Variants in UNC13B observed in about 807,000 individuals in gnomAD.
UNC13B encodes the protein protein unc-13 homolog B.
UNC13B carries 144 observed loss-of-function variants against 211.0 expected under a neutral mutation model. That is an observed-to-expected ratio of 0.68 (90% confidence interval 0.60 to 0.78). UNC13B has a LOEUF of 0.78. Among genes scored for constraint, UNC13B ranks in the 30% least tolerant of loss-of-function variants. The pLI is 0.00. For missense variants in UNC13B, 1,777 were observed against 2,002.0 expected (o/e 0.89, Z 2.14); for synonymous variants, 709 against 725.8 (o/e 0.98, Z 0.37).
intron 12 of UNC13B, among the ~76,000 whole-genome samples, chr9:35,368,256 G>A (rs1378544633): frequency 6.6e-6 from 1 of 151,988 alleles, no homozygotes; most frequent in Non-Finnish European, 1.5e-5. Flanking sequence ...TACCCTCTTT[G>A]TGTCCATGTG....
intron 8 of UNC13B, among the ~76,000 whole-genome samples, chr9:35,297,547 CTT>C (rs774525517): frequency 4.0e-5 from 4 of 100,868 alleles, no homozygotes; most frequent in Non-Finnish European, 2.1e-5. Context: ...CATACTTTGT[CTT>C]TTTTTTTTTT....
chr9:35,375,536 C>G (rs1160473869), intron 14 of UNC13B, among the ~76,000 whole-genome samples: 2 of 152,186 alleles, frequency 1.3e-5, no homozygotes, highest in Admixed American at 6.5e-5. Flanking sequence ...GTTGGACAAC[C>G]AGAAGCACAC....
chr9:35,247,050 C>T (rs911350611), intron 6 of UNC13B, among the ~76,000 whole-genome samples: 10 of 152,080 alleles, frequency 6.6e-5, no homozygotes, highest in Non-Finnish European at 1.3e-4. Flanking sequence ...TTGTAGTTCT[C>T]CTTGAAGAGG....
intron 1 of UNC13B, among the ~76,000 whole-genome samples, chr9:35,196,348 G>T (rs2131358707): frequency 6.6e-6 from 1 of 152,332 alleles, no homozygotes; most frequent in South Asian, 2.1e-4. Flanking sequence ...AGGCAAGTTA[G>T]CCATTCCCTG....
At chr9:35,312,179 T>G (rs747141367) in intron 10 of UNC13B, among the ~76,000 whole-genome samples, 7 of 152,194 alleles carry the variant, frequency 4.6e-5, no homozygotes, top group Non-Finnish European at 1.0e-4. Flanking sequence ...GTTTCAAATT[T>G]CAAGATCTAA....
chr9:35,375,697 G>A (rs910526687), intron 14 of UNC13B, among the ~76,000 whole-genome samples: 3 of 152,168 alleles, frequency 2.0e-5, no homozygotes, highest in African/African-American at 4.8e-5. Context: ...AAAAGTCATG[G>A]GGACCAGGCA....
intron 1 of UNC13B, among the ~76,000 whole-genome samples, chr9:35,194,822 A>C (rs999836516): frequency 6.6e-6 from 1 of 152,130 alleles, no homozygotes; most frequent in Non-Finnish European, 1.5e-5. Flanking sequence ...TGCCAGAAAA[A>C]TTTAGGACAC....
At chr9:35,280,446 G>A (rs1828419479) in intron 7 of UNC13B, among the ~76,000 whole-genome samples, 2 of 152,080 alleles carry the variant, frequency 1.3e-5, no homozygotes, top group Admixed American at 1.3e-4. Context: ...ATCAGACAGG[G>A]TATAGCTTCT....
chr9:35,168,594 T>C (rs890804080), intron 1 of UNC13B, among the ~76,000 whole-genome samples: 13 of 152,338 alleles, frequency 8.5e-5, no homozygotes, highest in African/African-American at 3.1e-4. Flanking sequence ...TTTCTATGCC[T>C]GTTGAAAAGA....
Position 35,300,220 on chromosome 9 carries a change from C to T in UNC13B, c.816C>T (p.Tyr272=). 1 of 398,756 alleles carries T rather than the reference C, an allele frequency of 2.5e-6. No homozygotes were observed. The highest frequency in any genetic ancestry group is 4.4e-6 in the Non-Finnish European group (1 of 226,004). The allele number at this position is 398,756 out of a possible 1,614,324, so 24.7% of individuals were successfully genotyped here. A position where few individuals can be genotyped will look rare whatever the true frequency, so the allele number is the denominator to read the frequency against. The part of the protein sequence containing the change: ...LDRRRKKKSL[Y]NHFEDSERRQ... ...GAAGAAGAAAAAAGAAATCCTTATA[C>T]AATCATTTTGAAGACAGTGAAAGAA... The change falls in exon 9 of 40, where the codon TAC becomes TAT. Residue 272 remains tyrosine, a synonymous_variant. Coordinates refer to ENST00000635942, the MANE Select transcript of UNC13B (RefSeq NM_001371189.2).
At chr9:35,386,026 T>C in intron 23 of UNC13B, 139 bp from the exon 24 acceptor site, 2 of 1,463,268 alleles carry the variant, frequency 1.4e-6, no homozygotes, top group Admixed American at 4.3e-5. Flanking sequence ...TCAACTATCC[T>C]GGCAATTTCA....
At chr9:35,236,260 T>C (rs1171164683) in intron 3 of UNC13B, among the ~76,000 whole-genome samples, 4 of 152,214 alleles carry the variant, frequency 2.6e-5, no homozygotes, top group Non-Finnish European at 5.9e-5. Context: ...TCTCTGGAAC[T>C]TATTTAACTG....
At chr9:35,352,003 G>A in intron 11 of UNC13B, 1 of 1,232,252 alleles carries the variant, frequency 8.1e-7, no homozygotes, top group Admixed American at 4.2e-5. Context: ...TTCAGACTGA[G>A]ATTGCTGAGC....
In UNC13B at chr9:35,304,490, A is replaced by G. The variant is rs370161129; in HGVS notation, c.5086A>G (p.Ile1696Val). 244 of 398,706 alleles carry G rather than the reference A, an allele frequency of 6.1e-4. 2 individuals carry two copies. The South Asian group carries it at 0.019, about 32-fold the overall frequency. 24.7% of individuals were successfully genotyped at this position (398,706 alleles called of 1,614,324 possible). The change falls in exon 9 of 40, where the codon ATT (isoleucine) becomes GTT (valine). Residue 1696 changes from isoleucine (I) to valine (V), a missense_variant. Coordinates refer to ENST00000635942, the MANE Select transcript of UNC13B (RefSeq NM_001371189.2). ...TAATCATGTCTCAAGCAGAGATCAA[A>G]TTATAGAGAGAGATAAAAACCAGCC... ...ISNHVSSRDQ[I>V]IERDKNQPLA...
rs940304724 is a variant in UNC13B, at chr9:35,331,250, G to A, written c.9414+17261G>A. On this transcript the variant is annotated intron_variant, in intron 11 of 39. Transcript: ENST00000635942. Reference sequence around the variant, plus strand: ...GTTTTTTGTTTTGTTTTGTTTTTTCGTTTTCTTTTGTTTTTTGAGACAAGG... The same window carrying A: ...GTTTTTTGTTTTGTTTTGTTTTTTCATTTTCTTTTGTTTTTTGAGACAAGG... Among the ~76,000 whole-genome samples the A allele has an allele frequency of 2.6e-5, 4 of 151,928 alleles. 1 individual carries two copies. Among genetic ancestry groups the A allele is most frequent in the Non-Finnish European group, 5.9e-5 (4 of 67,984 alleles).
chr9:35,270,423 C>T (rs1587510319), intron 7 of UNC13B, among the ~76,000 whole-genome samples: 1 of 151,886 alleles, frequency 6.6e-6, no homozygotes, highest in East Asian at 1.9e-4. Flanking sequence ...TGTGTATATA[C>T]ACACACATAT....
At chr9:35,244,351 G>A (rs1825968696) in intron 6 of UNC13B, among the ~76,000 whole-genome samples, 2 of 152,162 alleles carry the variant, frequency 1.3e-5, no homozygotes, top group African/African-American at 2.4e-5. Context: ...CCATAGACTA[G>A]TACAGAAAGC....
In UNC13B at chr9:35,384,329, G is replaced by GTA; in HGVS notation, c.10875+15_10875+16insTA. The GTA allele has an allele frequency of 1.9e-6, 3 of 1,613,052 alleles. No individual in the cohort carries two copies. Among genetic ancestry groups the GTA allele is most frequent in the Non-Finnish European group, 2.5e-6 (3 of 1,179,524 alleles). On this transcript the variant is annotated intron_variant, in intron 22 of 39. Transcript: ENST00000635942. ...CTACATACAGGGTGAGTGAAGACAC[G>GTA]GCTGTGGGCAGGATAATAGATATCA...
chr9:35,354,351 C>G (rs1832897337), intron 11 of UNC13B, among the ~76,000 whole-genome samples: 1 of 152,158 alleles, frequency 6.6e-6, no homozygotes, highest in Admixed American at 6.5e-5. Context: ...GGGAATTTCC[C>G]CTACCCCAGG....
Sources: allele counts gnomAD v4.1 joint callset (sites outside exome capture counted in the v4.1 genomes callset), GRCh38; gene constraint gnomAD v4.1.1; transcripts MANE v1.5; gene names NCBI Gene and HGNC (gene_info 2026-07-23, HGNC 2026-07-21).